Variants in GRIN3A observed in about 807,000 individuals in gnomAD.
The protein encoded by GRIN3A is glutamate receptor ionotropic, NMDA 3A.
In GRIN3A, 47 loss-of-function variants were observed where a neutral mutation model predicts 92.4. The observed-to-expected ratio is 0.51, with a 90% CI of 0.40 to 0.65. The LOEUF (loss-of-function observed/expected upper bound fraction) is 0.65, where lower values mean the gene tolerates loss of function less well. GRIN3A is among the 30% of genes least tolerant of loss of function. The pLI, the probability that GRIN3A is intolerant of heterozygous loss-of-function variation, is 0.00. For missense variants in GRIN3A, 1,324 were observed against 1,393.1 expected, an observed-to-expected ratio of 0.95 and a Z score of 0.79; for synonymous variants, 527 against 540.6, an observed-to-expected ratio of 0.97 and a Z score of 0.35.
At chr9:101,615,235 A>G (rs1828428579) in intron 5 of GRIN3A, among the ~76,000 whole-genome samples, 1 of 148,638 alleles carries the variant, frequency 6.7e-6, no homozygotes. Flanking sequence ...TGCCTTCAAC[A>G]TGATTGAGGA....
chr9:101,722,582 G>A (rs1002529097), intron 1 of GRIN3A, among the ~76,000 whole-genome samples: 15 of 152,312 alleles, frequency 9.8e-5, no homozygotes, highest in Non-Finnish European at 2.1e-4. Context: ...AAAGCCACAG[G>A]GGCAGAGCTG....
intron 2 of GRIN3A, among the ~76,000 whole-genome samples, chr9:101,671,844 A>G (rs1829330605): frequency 6.6e-6 from 1 of 152,118 alleles, no homozygotes; most frequent in Admixed American, 6.6e-5. Flanking sequence ...TTCTAGAGAG[A>G]GCTTATGCCA....
chr9:101,737,683 C>T lies in GRIN3A; in HGVS notation c.297G>A (p.Gly99=), dbSNP rs781001358. ...PAPSPGARWL[G]STLHGRGPPG... is the part of the protein sequence containing the mutation. ...GCGGCCCCCGGCCATGCAGGGTGCTCCCCAACCAGCGTGCGCCCGGCGAGG... is the reference window on the plus strand; with the variant it reads ...GCGGCCCCCGGCCATGCAGGGTGCTTCCCAACCAGCGTGCGCCCGGCGAGG... The change falls in exon 1 of 9, where the codon GGG becomes GGA. Residue 99 remains glycine (G), a synonymous_variant. Coordinates refer to ENST00000361820, the MANE Select transcript of GRIN3A (RefSeq NM_133445.3). 1 of 1,572,492 alleles carries T rather than the reference C, an allele frequency of 6.4e-7. No homozygotes were observed. The highest frequency in any genetic ancestry group is 2.3e-5 in the East Asian group (1 of 42,620).
intron 1 of GRIN3A, among the ~76,000 whole-genome samples, chr9:101,736,323 T>C (rs1830205348): frequency 6.6e-6 from 1 of 152,232 alleles, no homozygotes; most frequent in Admixed American, 6.5e-5. Context: ...CTTGAGATTA[T>C]GATAAAAGTA....
At chr9:101,662,142 A>G (rs1342105969) in intron 3 of GRIN3A, among the ~76,000 whole-genome samples, 1 of 151,886 alleles carries the variant, frequency 6.6e-6, no homozygotes, top group Non-Finnish European at 1.5e-5. Context: ...AAGAAAGAAA[A>G]TACAAAGTCA....
At chr9:101,673,208 T>C (rs147057360) in intron 2 of GRIN3A, among the ~76,000 whole-genome samples, 2 of 152,266 alleles carry the variant, frequency 1.3e-5, no homozygotes, top group East Asian at 3.9e-4. Context: ...AATATATGCT[T>C]AAACCATATC....
chr9:101,641,581 G>A (rs561643666), intron 3 of GRIN3A, among the ~76,000 whole-genome samples: 41 of 151,324 alleles, frequency 2.7e-4, no homozygotes, highest in African/African-American at 8.2e-4. Context: ...ATTGAACAAT[G>A]AGAACACATG....
chr9:101,700,105 T>C (rs920040644), intron 1 of GRIN3A, among the ~76,000 whole-genome samples: 3 of 152,204 alleles, frequency 2.0e-5, no homozygotes, highest in Admixed American at 1.3e-4. Flanking sequence ...ATTATTAGTC[T>C]ACTCATCTCT....
chr9:101,637,591 C>T (rs1564132282), intron 3 of GRIN3A, among the ~76,000 whole-genome samples: 1 of 152,092 alleles, frequency 6.6e-6, no homozygotes, highest in Non-Finnish European at 1.5e-5. Context: ...TAAGTACTTC[C>T]CATATTTCAA....
At chr9:101,586,857 G>A (rs1242444726) in intron 6 of GRIN3A, among the ~76,000 whole-genome samples, 1 of 152,150 alleles carries the variant, frequency 6.6e-6, no homozygotes. Flanking sequence ...GTTTGGAGAT[G>A]AGTCATTTCC....
chr9:101,622,995 A>ACACAC (rs1828578383), intron 5 of GRIN3A, among the ~76,000 whole-genome samples: 1 of 147,436 alleles, frequency 6.8e-6, no homozygotes, highest in African/African-American at 2.5e-5. Context: ...CCTGCCACTA[A>ACACAC]ACACACACAC....
intron 1 of GRIN3A, among the ~76,000 whole-genome samples, chr9:101,736,065 C>T (rs1830201145): frequency 6.6e-6 from 1 of 152,180 alleles, no homozygotes; most frequent in Non-Finnish European, 1.5e-5. Context: ...TGCCCTTACT[C>T]ATTTTAGTTT....
In GRIN3A at chr9:101,602,709, G is replaced by T. The variant is rs117723774; in HGVS notation, c.2766+10667C>A. Among the ~76,000 whole-genome samples, 612 of 152,290 alleles carry T rather than the reference G, an allele frequency of 4.0e-3. 1 individual carries two copies. The highest frequency in any genetic ancestry group is 6.3e-3 in the Non-Finnish European group (426 of 68,032). On this transcript the variant is annotated intron_variant, in intron 6 of 8. Coordinates refer to ENST00000361820, the MANE Select transcript of GRIN3A (RefSeq NM_133445.3). ...ATATAAAAGCGGGGACTCTTATTCC[G>T]AGAGGTCTGTTTACTTGGTCGTTAG...
intron 1 of GRIN3A, among the ~76,000 whole-genome samples, chr9:101,726,306 G>A (rs1748388532): frequency 1.3e-5 from 2 of 152,224 alleles, no homozygotes; most frequent in South Asian, 2.1e-4. Flanking sequence ...CCATGGAGAA[G>A]CTATGGCAAG....
At chr9:101,708,652 T>A (rs996628670) in intron 1 of GRIN3A, among the ~76,000 whole-genome samples, 6 of 152,184 alleles carry the variant, frequency 3.9e-5, no homozygotes, top group South Asian at 2.1e-4. Context: ...AGATCCAGAA[T>A]TAAATTTATC....
intron 3 of GRIN3A, among the ~76,000 whole-genome samples, chr9:101,639,005 A>G (rs1459439025): frequency 2.6e-5 from 4 of 152,298 alleles, no homozygotes; most frequent in South Asian, 4.1e-4. Context: ...CACATTCGTC[A>G]TCTCATTTCA....
chr9:101,684,414 A>G (rs1279169250), intron 2 of GRIN3A, among the ~76,000 whole-genome samples: 2 of 150,418 alleles, frequency 1.3e-5, no homozygotes, highest in African/African-American at 2.4e-5. Flanking sequence ...CCTGGCCTCT[A>G]TGTCAATTTC....
chr9:101,661,580 G>C (rs1029314354), intron 3 of GRIN3A, among the ~76,000 whole-genome samples: 3 of 151,776 alleles, frequency 2.0e-5, no homozygotes, highest in Non-Finnish European at 4.4e-5. Flanking sequence ...GCATTTTATA[G>C]CATATGGAAT....
At chr9:101,655,057 C>G (rs1038182803) in intron 3 of GRIN3A, among the ~76,000 whole-genome samples, 2 of 151,862 alleles carry the variant, frequency 1.3e-5, no homozygotes, top group African/African-American at 4.8e-5. Flanking sequence ...TATGACTAGG[C>G]ATTCAATATA....
Sources: gnomAD v4.1 joint callset for allele counts (sites outside exome capture counted in the v4.1 genomes callset) on GRCh38, gnomAD v4.1.1 for gene constraint, MANE v1.5 for transcripts, NCBI Gene and HGNC (gene_info 2026-07-23, HGNC 2026-07-21) for gene names.